ZNF697: variants seen among roughly 807,000 people sequenced by gnomAD.
ZNF697 encodes the protein zinc finger protein 697.
A neutral mutation model predicts 32.4 loss-of-function variants in ZNF697; 23 were observed. The ratio of observed to expected loss-of-function variants is 0.71; its 90% CI spans 0.51 to 1.01. The LOEUF is 1.01. Ranked by LOEUF, ZNF697 falls within the 50% of genes least tolerant of loss-of-function variation. ZNF697 has a pLI of 0.00. For synonymous variants in ZNF697, 418 were observed against 337.2 expected (o/e 1.24, Z -2.62); for missense variants, 930 against 794.0 (o/e 1.17, Z -2.06).
chr1:119,626,578 A>G (rs188739316), intron 1 of ZNF697, among the ~76,000 whole-genome samples: 168 of 152,360 alleles, frequency 1.1e-3, no homozygotes, highest in African/African-American at 3.6e-3. Flanking sequence ...TCATACTCTT[A>G]TTAAGCTTGC....
chr1:119,629,924 A>T (rs1395891481), intron 1 of ZNF697, among the ~76,000 whole-genome samples: 4 of 152,218 alleles, frequency 2.6e-5, no homozygotes, highest in Non-Finnish European at 5.9e-5. Context: ...TTCCAAATTC[A>T]ATTAGTTTTC....
chr1:119,634,333 A>C (rs1648864531), intron 1 of ZNF697, among the ~76,000 whole-genome samples: 1 of 152,234 alleles, frequency 6.6e-6, no homozygotes, highest in South Asian at 2.1e-4. Context: ...TGCCCAAAAT[A>C]ACTGTTTGGT....
At chr1:119,636,805 C>T (rs1648935235) in intron 1 of ZNF697, among the ~76,000 whole-genome samples, 1 of 152,214 alleles carries the variant, frequency 6.6e-6, no homozygotes, top group Admixed American at 6.5e-5. Flanking sequence ...ACCTTTGGTG[C>T]TTGGCTAATT....
In ZNF697 at chr1:119,619,457, A is replaced by G. The variant is rs1429131291; in HGVS notation, c.*3248T>C. 9.8e-5 allele frequency: 15 copies of G among 152,290 alleles called. No individual in the cohort carries two copies. The highest frequency in any genetic ancestry group is 9.8e-4 in the Admixed American group (15 of 15,288). 9.4% of individuals were successfully genotyped at this position (152,290 alleles called of 1,614,324 possible). On this transcript the variant is annotated 3_prime_UTR_variant, in exon 3 of 3. Coordinates refer to ENST00000421812, the MANE Select transcript of ZNF697 (RefSeq NM_001080470.2). ...ATATGGATTTAATGACAAATATTCC[A>G]TATTGGTTGCTGAACACCAGAATGC...
At chr1:119,632,024 AC>A (rs1184129864) in intron 1 of ZNF697, among the ~76,000 whole-genome samples, 1 of 152,170 alleles carries the variant, frequency 6.6e-6, no homozygotes, top group Non-Finnish European at 1.5e-5. Flanking sequence ...CTGGGGTCTA[AC>A]CAGAGATTCC....
At chr1:119,625,047 A>G (rs970480937) in intron 2 of ZNF697, among the ~76,000 whole-genome samples, 1 of 151,954 alleles carries the variant, frequency 6.6e-6, no homozygotes, top group Admixed American at 6.6e-5. Flanking sequence ...TGGTGAGCCC[A>G]GGTTAGAGGC....
At chr1:119,639,321 A>G (rs1486846721) in intron 1 of ZNF697, among the ~76,000 whole-genome samples, 2 of 152,096 alleles carry the variant, frequency 1.3e-5, no homozygotes, top group Admixed American at 6.5e-5. Flanking sequence ...CTACTGCATC[A>G]ATCTTAAAAT....
chr1:119,632,016 G>A (rs1450240684), intron 1 of ZNF697, among the ~76,000 whole-genome samples: 2 of 152,136 alleles, frequency 1.3e-5, no homozygotes, highest in Non-Finnish European at 2.9e-5. Context: ...GACCACAACT[G>A]GGGTCTAACC....
intron 1 of ZNF697, among the ~76,000 whole-genome samples, chr1:119,643,827 G>A (rs1021648608): frequency 6.6e-6 from 1 of 152,230 alleles, no homozygotes; most frequent in African/African-American, 2.4e-5. Context: ...TCAGCTTACA[G>A]TGGTCTGCTC....
In ZNF697 at chr1:119,623,856, A is replaced by C. The variant is rs1378005016; in HGVS notation, c.487T>G (p.Phe163Val). ...GCCATGGGGTGGTGGAGCCGGTGGA[A>C]GCGGCGGTGGGCGGGCTTGTCACCT... ...HRGDKPAHRR[F>V]HRLHHPMAVD... is the part of the protein sequence containing the mutation. The change falls in exon 3 of 3, where the codon TTC becomes GTC. Residue 163 changes from phenylalanine (F) to valine (V), a missense_variant. Transcript: ENST00000421812. 6.5e-7 allele frequency: 1 copy of C among 1,543,064 alleles called. No individual in the cohort carries two copies. The highest frequency in any genetic ancestry group is 1.4e-5 in the African/African-American group (1 of 73,046).
intron 1 of ZNF697, among the ~76,000 whole-genome samples, chr1:119,638,681 CA>C (rs1376362575): frequency 6.6e-6 from 1 of 152,190 alleles, no homozygotes; most frequent in Non-Finnish European, 1.5e-5. Flanking sequence ...TAGCTTTATA[CA>C]GCTCTTCTAT....
chr1:119,637,148 G>C (rs1207791556), intron 1 of ZNF697, among the ~76,000 whole-genome samples: 1 of 152,182 alleles, frequency 6.6e-6, no homozygotes, highest in Non-Finnish European at 1.5e-5. Flanking sequence ...AATCTTCAAA[G>C]TGTTAGCAAA....
intron 1 of ZNF697, among the ~76,000 whole-genome samples, chr1:119,645,477 G>A (rs1477032344): frequency 2.0e-5 from 3 of 152,224 alleles, no homozygotes. Context: ...GAGCTAATCA[G>A]CTGGGCCAGG....
At chr1:119,626,187 C>T in intron 1 of ZNF697, 50 bp from the exon 2 acceptor site, 2 of 1,557,808 alleles carry the variant, frequency 1.3e-6, no homozygotes, top group South Asian at 1.2e-5. Context: ...GTCTCATCCC[C>T]TCACCACGCC....
intron 1 of ZNF697, among the ~76,000 whole-genome samples, chr1:119,637,887 A>G (rs982110382): frequency 1.3e-5 from 2 of 151,940 alleles, no homozygotes; most frequent in Non-Finnish European, 2.9e-5. Context: ...ACTGAATAAT[A>G]CTGAGTCCTT....
In ZNF697 at chr1:119,623,158, G is replaced by A. The variant is rs1376224595; in HGVS notation, c.1185C>T (p.Asp395=). 1 of 1,585,542 alleles carries A rather than the reference G, an allele frequency of 6.3e-7. No individual in the cohort carries two copies. Among genetic ancestry groups the A allele is most frequent in the Non-Finnish European group, 8.6e-7 (1 of 1,166,524 alleles). Residue 395 remains aspartate (D), a synonymous_variant, in exon 3 of 3, where the codon GAC becomes GAT. Coordinates refer to ENST00000421812, the MANE Select transcript of ZNF697 (RefSeq NM_001080470.2). ...ECGKRFSWRS[D]LVKHQRVHTG... is the part of the protein sequence containing the mutation. Reference sequence around the variant, plus strand: ...TGTGCACGCGCTGGTGCTTCACCAAGTCCGAGCGCCAGCTGAAGCGCTTGC... The same window carrying A: ...TGTGCACGCGCTGGTGCTTCACCAAATCCGAGCGCCAGCTGAAGCGCTTGC...
intron 1 of ZNF697, among the ~76,000 whole-genome samples, chr1:119,637,984 A>AAGAGAG (rs370378866): frequency 1.3e-5 from 2 of 151,894 alleles, no homozygotes; most frequent in African/African-American, 4.8e-5. Flanking sequence ...AGAGAGAGAA[A>AAGAGAG]AGAGAGAGAG....
intron 1 of ZNF697, among the ~76,000 whole-genome samples, chr1:119,628,205 C>G (rs1648654856): frequency 1.3e-5 from 2 of 151,976 alleles, no homozygotes; most frequent in Non-Finnish European, 2.9e-5. Flanking sequence ...GGTACAGTGC[C>G]CAGCATGGCA....
At chr1:119,638,051 A>G (rs1648974167) in intron 1 of ZNF697, among the ~76,000 whole-genome samples, 1 of 152,224 alleles carries the variant, frequency 6.6e-6, no homozygotes, top group Non-Finnish European at 1.5e-5. Flanking sequence ...ATTTAAAAAA[A>G]TCTTTAAAGA....
Sources: allele counts gnomAD v4.1 joint callset (sites outside exome capture counted in the v4.1 genomes callset), GRCh38; gene constraint gnomAD v4.1.1; transcripts MANE v1.5; gene names NCBI Gene and HGNC (gene_info 2026-07-23, HGNC 2026-07-21).